MYO3A: variants seen among roughly 807,000 people sequenced by gnomAD.
The protein encoded by MYO3A is myosin-IIIa.
MYO3A carries 180 observed loss-of-function variants against 192.7 expected under a neutral mutation model. The observed-to-expected ratio is 0.93, with a 90% CI of 0.83 to 1.06. The LOEUF (loss-of-function observed/expected upper bound fraction) is 1.06. MYO3A is among the 50% of genes least tolerant of loss of function. MYO3A has a pLI of 0.00. For missense variants in MYO3A, 1,896 were observed against 1,905.0 expected, an observed-to-expected ratio of 1.00 and a Z score of 0.09; for synonymous variants, 628 against 645.3, an observed-to-expected ratio of 0.97 and a Z score of 0.41.
At chr10:25,937,645 A>AT (rs1351262854) in intron 2 of MYO3A, among the ~76,000 whole-genome samples, 12 of 152,048 alleles carry the variant, frequency 7.9e-5, no homozygotes, top group Non-Finnish European at 1.3e-4. Flanking sequence ...AAAGATGGAG[A>AT]TTTTTTTTAA....
In MYO3A at chr10:26,174,576, T is replaced by G. The variant is rs1564621516; in HGVS notation, c.4293+19T>G. The G allele has an allele frequency of 1.9e-6, 3 of 1,593,560 alleles. No homozygotes were observed. The highest frequency in any genetic ancestry group is 1.7e-5 in the Admixed American group (1 of 59,844). ...AAAACAGGTATGTGAATAAATAAAT[T>G]TATTTACTAATAAAAGTCCCTGGGA... On this transcript the variant is annotated intron_variant, in intron 30 of 34. Coordinates refer to ENST00000642920, the MANE Select transcript of MYO3A (RefSeq NM_017433.5).
chr10:26,174,913 C>A (rs961725569), intron 30 of MYO3A, among the ~76,000 whole-genome samples: 1 of 152,032 alleles, frequency 6.6e-6, no homozygotes, highest in African/African-American at 2.4e-5. Flanking sequence ...TTTCTAAATC[C>A]TCCAAAGTTT....
rs183154611 is a variant in MYO3A at position 26,097,505 on chromosome 10, T to G, written c.1776+823T>G. Among the ~76,000 whole-genome samples, 595 of 152,248 alleles carry G rather than the reference T, an allele frequency of 3.9e-3. 7 individuals are homozygous for G. Among genetic ancestry groups the G allele is most frequent in the African/African-American group, 0.013 (544 of 41,534 alleles). ...GCACACATTAACTCGTCATTTACAT[T>G]AGGTATATCTCCTAATGCTATCCCT... On this transcript the variant is annotated intron_variant, in intron 17 of 34. Coordinates refer to ENST00000642920, the MANE Select transcript of MYO3A (RefSeq NM_017433.5).
At chr10:26,105,723 G>A (rs1352529244) in intron 17 of MYO3A, among the ~76,000 whole-genome samples, 1 of 151,904 alleles carries the variant, frequency 6.6e-6, no homozygotes, top group Admixed American at 6.6e-5. Context: ...ACAAATTTAC[G>A]TTTTTGTTCA....
intron 4 of MYO3A, among the ~76,000 whole-genome samples, chr10:25,967,639 A>G (rs1353317116): frequency 6.6e-6 from 1 of 152,260 alleles, no homozygotes; most frequent in Non-Finnish European, 1.5e-5. Context: ...AGTCAGACCC[A>G]GAAGTAACAG....
In MYO3A at chr10:26,177,326, A is replaced by G. The variant is rs149840721; in HGVS notation, c.4438+481A>G. Among the ~76,000 whole-genome samples, 623 of 152,280 alleles carry G rather than the reference A, an allele frequency of 4.1e-3. 5 individuals are homozygous for G. Among genetic ancestry groups the G allele is most frequent in the Middle Eastern group, 0.024 (7 of 294 alleles). The stretch of plus-strand genomic sequence containing the variant: ...TAAACTGGTGAGGAATTCAATCTCA[A>G]TAATTTTCAGACCTCCCTCTCCCCA... On this transcript the variant is annotated intron_variant, in intron 31 of 34. Transcript: ENST00000642920.
chr10:26,129,116 T>C (rs1839391413), intron 20 of MYO3A, among the ~76,000 whole-genome samples: 1 of 152,224 alleles, frequency 6.6e-6, no homozygotes, highest in Admixed American at 6.5e-5. Context: ...ATTATTTTAT[T>C]AAATCTAAAG....
intron 20 of MYO3A, among the ~76,000 whole-genome samples, chr10:26,131,213 A>T (rs1219551480): frequency 1.3e-5 from 2 of 152,190 alleles, no homozygotes; most frequent in African/African-American, 2.4e-5. Context: ...GCATTTTCCT[A>T]TTTAGTCCAA....
intron 17 of MYO3A, among the ~76,000 whole-genome samples, chr10:26,106,189 G>T (rs984205474): frequency 2.0e-5 from 3 of 151,904 alleles, no homozygotes; most frequent in Non-Finnish European, 4.4e-5. Context: ...GAATTATATT[G>T]AATTTATATA....
chr10:26,211,877 G>C lies in MYO3A; in HGVS notation c.4765G>C (p.Glu1589Gln). 1 of 1,614,082 alleles carries C rather than the reference G, an allele frequency of 6.2e-7. No individual in the cohort carries two copies. The highest frequency in any genetic ancestry group is 2.2e-5 in the East Asian group (1 of 44,868). ...WAAESPEKEE[E>Q]REPAANPYDF... The stretch of plus-strand genomic sequence containing the variant: ...GGCGGAGAGCCCCGAGAAGGAGGAG[G>C]AGAGAGAGCCAGCAGCCAACCCCTA... Residue 1589 changes from glutamate to glutamine, a missense_variant, in exon 35 of 35, where the codon GAG becomes CAG. Glu to Gln is a conservative substitution (Grantham distance 29, BLOSUM62 2). Coordinates refer to ENST00000642920, the MANE Select transcript of MYO3A (RefSeq NM_017433.5).
intron 6 of MYO3A, among the ~76,000 whole-genome samples, chr10:26,005,574 T>C (rs76984853): frequency 0.064 from 9,744 of 152,218 alleles, 406 homozygotes; most frequent in Non-Finnish European, 0.094. Context: ...CAAACAAATA[T>C]ATAGGAGTGA....
In MYO3A at chr10:26,062,530, A is replaced by AAAAAAAAAAAAAAAAAAAAACG. The variant is rs1554816581; in HGVS notation, c.954-4442_954-4441insAAAAAAAAAAAAAAAAACGAAA. On this transcript the variant is annotated intron_variant, in intron 10 of 34. Coordinates refer to ENST00000642920, the MANE Select transcript of MYO3A (RefSeq NM_017433.5). ...GATGCCATCTCAAAAAAAAAAAAAA[A>AAAAAAAAAAAAAAAAAAAAACG]AAATTATGGAGGAATCTAATTAAGA... Among the ~76,000 whole-genome samples the AAAAAAAAAAAAAAAAAAAAACG allele has an allele frequency of 1.5e-4, 19 of 125,986 alleles. 2 individuals are homozygous for AAAAAAAAAAAAAAAAAAAAACG. Among genetic ancestry groups the AAAAAAAAAAAAAAAAAAAAACG allele is most frequent in the South Asian group, 2.4e-4 (1 of 4,132 alleles). 82.7% of individuals were successfully genotyped at this position (125,986 alleles called of 152,430 possible). A position where few individuals can be genotyped will look rare whatever the true frequency, so the allele number is the denominator to read the frequency against.
At chr10:26,041,335 GT>G (rs1361348916) in intron 10 of MYO3A, among the ~76,000 whole-genome samples, 1 of 140,074 alleles carries the variant, frequency 7.1e-6, no homozygotes, top group Non-Finnish European at 1.6e-5. Flanking sequence ...TTTAGTTTGG[GT>G]TTTTGTTGTT....
intron 8 of MYO3A, chr10:26,022,474 A>G (rs578072751): frequency 6.6e-6 from 1 of 152,346 alleles, no homozygotes; most frequent in East Asian, 1.9e-4. Context: ...TTATAAGACT[A>G]AAACATTTGA....
At chr10:26,157,249 C>A in intron 25 of MYO3A, 61 bp from the exon 26 acceptor site, 1 of 1,483,388 alleles carries the variant, frequency 6.7e-7, no homozygotes, top group Non-Finnish European at 9.4e-7. Context: ...AAAGAAAGGC[C>A]TACAAGCTCA....
At chr10:26,015,512 A>G (rs966516908) in intron 6 of MYO3A, among the ~76,000 whole-genome samples, 4 of 152,156 alleles carry the variant, frequency 2.6e-5, no homozygotes, top group Admixed American at 2.6e-4. Context: ...ACACTAAGTA[A>G]AAATATCATT....
At chr10:26,005,147 A>G (rs538376002) in intron 6 of MYO3A, among the ~76,000 whole-genome samples, 5 of 152,294 alleles carry the variant, frequency 3.3e-5, no homozygotes, top group African/African-American at 1.2e-4. Flanking sequence ...CTCAAAGCAA[A>G]CATAACTAGT....
Position 26,193,209 on chromosome 10 carries a change from C to A in MYO3A, c.4443C>A (p.Val1481=). The A allele has an allele frequency of 6.2e-7, 1 of 1,608,948 alleles. No homozygotes were observed. Among genetic ancestry groups the A allele is most frequent in the Non-Finnish European group, 8.5e-7 (1 of 1,175,434 alleles). ...TTATGATCACCTTTCTTATAGGTGT[C>A]TGTAAAGGAGAGGAGCCAAAAATAT... ...RVSSQQCLSG[V]CKGEEPKILR... is the part of the protein sequence containing the mutation. Residue 1481 remains valine, a synonymous_variant, in exon 32 of 35, where the codon GTC becomes GTA. Coordinates refer to ENST00000642920, the MANE Select transcript of MYO3A (RefSeq NM_017433.5).
chr10:26,186,114 T>C (rs553652308), intron 31 of MYO3A, among the ~76,000 whole-genome samples: 2 of 152,350 alleles, frequency 1.3e-5, no homozygotes, highest in East Asian at 3.9e-4. Flanking sequence ...TTTAATATTA[T>C]GGGACAAATC....
Sources: gnomAD v4.1 joint callset for allele counts (sites outside exome capture counted in the v4.1 genomes callset) on GRCh38, gnomAD v4.1.1 for gene constraint, MANE v1.5 for transcripts, NCBI Gene and HGNC (gene_info 2026-07-23, HGNC 2026-07-21) for gene names.